Variants in ST3GAL5 observed in about 807,000 individuals in gnomAD.
The protein encoded by ST3GAL5 is ST3 beta-galactoside alpha-2,3-sialyltransferase 5, also known as lactosylceramide alpha-2,3-sialyltransferase.
Under a neutral mutation model 46.1 loss-of-function variants are expected in ST3GAL5, and 25 were observed. The observed-to-expected ratio is 0.54, with a 90% CI of 0.40 to 0.76. ST3GAL5 has a LOEUF of 0.76. Ranked by LOEUF, ST3GAL5 falls within the 30% of genes least tolerant of loss-of-function variation. The pLI is 0.00. For synonymous variants in ST3GAL5, 182 were observed against 192.7 expected (o/e 0.94, Z 0.46); for missense variants, 431 against 521.2 (o/e 0.83, Z 1.69).
chr2:85,884,657 G>A (rs999074393), intron 1 of ST3GAL5, among the ~76,000 whole-genome samples: 1 of 152,180 alleles, frequency 6.6e-6, no homozygotes, highest in Non-Finnish European at 1.5e-5. Context: ...TTTTCTGCTA[G>A]AGTATAGATT....
Position 85,863,371 on chromosome 2 carries a change from T to C in ST3GAL5, c.197A>G (p.Asp66Gly). 1.2e-6 allele frequency: 2 copies of C among 1,614,200 alleles called. No homozygotes were observed. Among genetic ancestry groups the C allele is most frequent in the Non-Finnish European group, 1.7e-6 (2 of 1,180,040 alleles). ...CAGGGGCGGTACTTACTTGAGGATG[T>C]CTTTTAATAACAAGCTGGGCCTTCT... Reference protein sequence around the residue: ...KMRRPSLLLKDILKCTLLVFG... With the variant: ...KMRRPSLLLKGILKCTLLVFG... Residue 66 changes from aspartate to glycine, a missense_variant, in exon 2 of 7, where the codon GAC (aspartate) becomes GGC (glycine). By Grantham distance (94) the Asp-to-Gly change is moderately conservative. Transcript: ENST00000638572.
chr2:85,866,468 C>CT (rs1215743013), intron 1 of ST3GAL5, among the ~76,000 whole-genome samples: 2 of 152,246 alleles, frequency 1.3e-5, no homozygotes, highest in Non-Finnish European at 2.9e-5. Flanking sequence ...TGGTTCCCAG[C>CT]TTATTTCAGA....
Position 85,837,565 on chromosome 2 carries a change from T to C in ST3GAL5, c.*2579A>G, listed in dbSNP as rs1432065707. On this transcript the variant is annotated 3_prime_UTR_variant, in exon 7 of 7. Transcript: ENST00000638572. The stretch of plus-strand genomic sequence containing the variant: ...CAATAATTTACTGTGTATTTCAAAA[T>C]CACTAGAATAATTCAAATGTTTCTA... The C allele has an allele frequency of 6.6e-6, 1 of 152,204 alleles. No individual in the cohort carries two copies. The highest frequency in any genetic ancestry group is 1.5e-5 in the Non-Finnish European group (1 of 68,028). 9.4% of individuals were successfully genotyped at this position (152,204 alleles called of 1,614,324 possible).
chr2:85,851,236 T>C, intron 3 of ST3GAL5: 1 of 1,063,788 alleles, frequency 9.4e-7, no homozygotes, highest in Non-Finnish European at 1.1e-6. Context: ...TTCTAGACTG[T>C]GGGTAGGGCA....
chr2:85,850,629 T>C (rs1171196226), intron 3 of ST3GAL5: 1 of 152,226 alleles, frequency 6.6e-6, no homozygotes, highest in African/African-American at 2.4e-5. Context: ...TGAATGGCAA[T>C]TTTTAGAGAC....
intron 1 of ST3GAL5, among the ~76,000 whole-genome samples, chr2:85,872,981 C>T (rs189739708): frequency 6.6e-6 from 1 of 152,216 alleles, no homozygotes; most frequent in Non-Finnish European, 1.5e-5. Context: ...CGGCATGGGG[C>T]GGCCGAGAGG....
intron 3 of ST3GAL5, among the ~76,000 whole-genome samples, chr2:85,859,376 T>C (rs1208410763): frequency 6.6e-6 from 1 of 152,134 alleles, no homozygotes; most frequent in Non-Finnish European, 1.5e-5. Context: ...AGACAGGATG[T>C]CTAAAACCTT....
chr2:85,842,444 C>T (rs1053932434), intron 6 of ST3GAL5, among the ~76,000 whole-genome samples: 27 of 152,120 alleles, frequency 1.8e-4, no homozygotes, highest in African/African-American at 6.3e-4. Flanking sequence ...CTATAGCATG[C>T]CCTTTGAGAT....
At chr2:85,882,204 G>C (rs1050247735) in intron 1 of ST3GAL5, among the ~76,000 whole-genome samples, 10 of 152,238 alleles carry the variant, frequency 6.6e-5, no homozygotes, top group African/African-American at 2.4e-4. Flanking sequence ...TTGCTGCAGG[G>C]GCGGGGACCT....
At chr2:85,848,566 T>C (rs1573599123) in intron 3 of ST3GAL5, 6 of 442,762 alleles carry the variant, frequency 1.4e-5, no homozygotes, top group Admixed American at 7.3e-5. Context: ...TGCTACAACA[T>C]AGTTAAACTT....
chr2:85,873,601 A>G (rs920860148), intron 1 of ST3GAL5, among the ~76,000 whole-genome samples: 37 of 152,020 alleles, frequency 2.4e-4, no homozygotes, highest in African/African-American at 7.7e-4. Flanking sequence ...ACAGGGAGGA[A>G]AGAGGAGCCC....
chr2:85,854,232 C>T (rs1683856157), intron 3 of ST3GAL5: 1 of 152,192 alleles, frequency 6.6e-6, no homozygotes, highest in Non-Finnish European at 1.5e-5. Flanking sequence ...TAGATGGACA[C>T]TGTGGGCTGC....
Position 85,888,855 on chromosome 2 carries a change from C to A in ST3GAL5, c.51G>T (p.Arg17=). 3.0e-6 allele frequency: 4 copies of A among 1,347,368 alleles called. No individual in the cohort carries two copies. The South Asian group carries it at 6.8e-5, about 23-fold the overall frequency. 83.5% of individuals were successfully genotyped at this position (1,347,368 alleles called of 1,614,324 possible). A position where few individuals can be genotyped will look rare whatever the true frequency, so the allele number is the denominator to read the frequency against. The change falls in exon 1 of 7, where the codon CGG becomes CGT. Residue 17 remains arginine (R), a synonymous_variant. Transcript: ENST00000638572. ...GCAERRPLQP[R]TEAAAAPAGR... ...CGGCAGGTGCCGCCGCTGCCTCGGT[C>A]CGCGGCTGCAGGGGACGCCGCTCCG...
intron 5 of ST3GAL5, chr2:85,845,307 G>T (rs1682651989): frequency 6.5e-6 from 1 of 152,980 alleles, no homozygotes. Flanking sequence ...GGGAACCACT[G>T]ACCAAAGCAT....
At chr2:85,863,849 A>T (rs778767178) in intron 1 of ST3GAL5, among the ~76,000 whole-genome samples, 2 of 151,984 alleles carry the variant, frequency 1.3e-5, no homozygotes, top group Non-Finnish European at 2.9e-5. Context: ...CTGGGATTAC[A>T]GGCGCATGCC....
chr2:85,885,251 A>C (rs1357358440), intron 1 of ST3GAL5, among the ~76,000 whole-genome samples: 7 of 152,196 alleles, frequency 4.6e-5, no homozygotes, highest in Non-Finnish European at 8.8e-5. Context: ...TGTTTGCAGC[A>C]ACAAGGGTGG....
intron 1 of ST3GAL5, among the ~76,000 whole-genome samples, chr2:85,869,407 G>C (rs931645976): frequency 6.7e-6 from 1 of 149,260 alleles, no homozygotes; most frequent in Non-Finnish European, 1.5e-5. Context: ...TTTACTACCT[G>C]AATTCCATAC....
Position 85,846,363 on chromosome 2 carries a change from G to A in ST3GAL5, c.849+14C>T, listed in dbSNP as rs773953439. On this transcript the variant is annotated intron_variant, in intron 5 of 6. Transcript: ENST00000638572. ...TTTTACTAAGGCAGATTTAATAGAA[G>A]TATTAGTGCTTACCAGGGTTTCCTT... 6.2e-7 allele frequency: 1 copy of A among 1,612,248 alleles called. No individual in the cohort carries two copies. Among genetic ancestry groups the A allele is most frequent in the Non-Finnish European group, 8.5e-7 (1 of 1,178,780 alleles).
chr2:85,870,868 G>A (rs542777979), intron 1 of ST3GAL5, among the ~76,000 whole-genome samples: 3 of 151,860 alleles, frequency 2.0e-5, no homozygotes, highest in African/African-American at 7.2e-5. Context: ...GTAGAGACAG[G>A]GTTTCACCAT....
Sources: gnomAD v4.1 joint callset for allele counts (sites outside exome capture counted in the v4.1 genomes callset) on GRCh38, gnomAD v4.1.1 for gene constraint, MANE v1.5 for transcripts, NCBI Gene and HGNC (gene_info 2026-07-23, HGNC 2026-07-21) for gene names.